Variants in CREB3L2 observed in about 807,000 individuals in gnomAD.
CREB3L2 encodes cyclic AMP-responsive element-binding protein 3-like protein 2.
A neutral mutation model predicts 57.2 loss-of-function variants in CREB3L2; 23 were observed. That is an observed-to-expected ratio of 0.40 (90% CI 0.29 to 0.57). The LOEUF (loss-of-function observed/expected upper bound fraction) is 0.57, where lower values mean the gene tolerates loss of function less well. Ranked by LOEUF, CREB3L2 falls within the 20% of genes least tolerant of loss-of-function variation. The pLI is 0.42. For synonymous variants in CREB3L2, 268 were observed against 265.1 expected (o/e 1.01, Z -0.11); for missense variants, 628 against 634.7 (o/e 0.99, Z 0.11).
chr7:137,943,600 G>A (rs1205642281), intron 1 of CREB3L2, among the ~76,000 whole-genome samples: 2 of 152,140 alleles, frequency 1.3e-5, no homozygotes, highest in Non-Finnish European at 2.9e-5. Context: ...GAGAAATGGG[G>A]GAGGGAAATG....
At chr7:137,922,417 TATATATATATATATATATAC>T (rs1563253293) in intron 2 of CREB3L2, among the ~76,000 whole-genome samples, 5 of 24,098 alleles carry the variant, frequency 2.1e-4, no homozygotes, top group African/African-American at 1.2e-3. Context: ...TATATATATG[TATATATATATATATATATAC>T]GTATATATAT....
At chr7:137,953,206 A>G in intron 1 of CREB3L2, 1 of 291,714 alleles carries the variant, frequency 3.4e-6, no homozygotes, top group South Asian at 3.2e-5. Flanking sequence ...TTCCTGGGAA[A>G]CAAGAGAGCT....
chr7:137,905,042 G>C (rs893081268), intron 6 of CREB3L2, among the ~76,000 whole-genome samples: 3 of 151,782 alleles, frequency 2.0e-5, no homozygotes, highest in Admixed American at 6.6e-5. Context: ...TCCGCACATG[G>C]ATAGAGTGAC....
At chr7:137,929,508 G>A (rs1396110223) in intron 1 of CREB3L2, among the ~76,000 whole-genome samples, 1 of 151,932 alleles carries the variant, frequency 6.6e-6, no homozygotes, top group Non-Finnish European at 1.5e-5. Flanking sequence ...ATGTCTGTAG[G>A]TGAAAAAGTC....
intron 1 of CREB3L2, among the ~76,000 whole-genome samples, chr7:137,989,694 G>A (rs918009147): frequency 3.3e-5 from 5 of 152,030 alleles, no homozygotes; most frequent in African/African-American, 1.2e-4. Context: ...CCCTTTACGT[G>A]TCGCTCCTGT....
chr7:137,995,961 C>T (rs1032672780), intron 1 of CREB3L2, among the ~76,000 whole-genome samples: 5 of 152,250 alleles, frequency 3.3e-5, no homozygotes, highest in African/African-American at 1.2e-4. Context: ...TAAAATAATC[C>T]GTCAAAGATT....
chr7:137,880,520 G>T lies in CREB3L2; in HGVS notation c.1519C>A (p.Leu507Ile). 1.9e-6 allele frequency: 3 copies of T among 1,613,976 alleles called. No homozygotes were observed. In the African/African-American group the frequency reaches 4.0e-5, roughly 22 times the overall value. Residue 507 changes from leucine (L) to isoleucine (I), a missense_variant, in exon 12 of 12, where the codon CTA (leucine) becomes ATA (isoleucine). This residue lies in a region of CREB3L2 where 272 missense variants were observed against 242.7 expected (regional missense o/e 1.12). Coordinates refer to ENST00000330387, the MANE Select transcript of CREB3L2 (RefSeq NM_194071.4). The surrounding 1 kb of genome is among the most constrained non-coding windows in gnomAD (Gnocchi z 4.0). Reference protein sequence around the residue: ...VSAKLEGNETLKVVELDRRVN... With the variant: ...VSAKLEGNETIKVVELDRRVN... Reference sequence around the variant, plus strand: ...CTTCTGTCGAGTTCTACAACTTTTAGTGTTTCATTCCCCTCCAGTTTGGCG... The same window carrying T: ...CTTCTGTCGAGTTCTACAACTTTTATTGTTTCATTCCCCTCCAGTTTGGCG...
rs1264166322 is a variant in CREB3L2, at chr7:137,946,916, A to C, written c.103-18550T>G. On this transcript the variant is annotated intron_variant, in intron 1 of 11. Coordinates refer to ENST00000330387, the MANE Select transcript of CREB3L2 (RefSeq NM_194071.4). ...TATATATAGTTATATATATAGTTATATATATAGTTATATATATAGTTATAT... is the reference window on the plus strand; with the variant it reads ...TATATATAGTTATATATATAGTTATCTATATAGTTATATATATAGTTATAT... Among the ~76,000 whole-genome samples, 90 of 62,422 alleles carry C rather than the reference A, an allele frequency of 1.4e-3. 14 individuals are homozygous for C. The highest frequency in any genetic ancestry group is 4.2e-3 in the African/African-American group (49 of 11,790). 41.0% of individuals were successfully genotyped at this position (62,422 alleles called of 152,430 possible). A position where few individuals can be genotyped will look rare whatever the true frequency, so the allele number is the denominator to read the frequency against.
At chr7:137,950,519 A>C (rs6979294) in intron 1 of CREB3L2, among the ~76,000 whole-genome samples, 103 of 152,178 alleles carry the variant, frequency 6.8e-4, no homozygotes, top group African/African-American at 2.3e-3. Flanking sequence ...CCTCTACCCC[A>C]TGCTTCTGAG....
chr7:137,925,553 T>A (rs1232943129), intron 2 of CREB3L2, among the ~76,000 whole-genome samples: 3 of 152,242 alleles, frequency 2.0e-5, no homozygotes, highest in Non-Finnish European at 4.4e-5. Context: ...GGTGGTTATC[T>A]GCTCTAACAG....
At chr7:137,960,975 G>A (rs11978173) in intron 1 of CREB3L2, among the ~76,000 whole-genome samples, 15,711 of 151,290 alleles carry the variant, frequency 0.1, 1,957 homozygotes, top group African/African-American at 0.3. Context: ...CACCACACCC[G>A]GCTAATTTTA....
In CREB3L2 at chr7:137,882,445, T is replaced by C; in HGVS notation, c.1454A>G (p.Glu485Gly). ...CTGCAGCTCCAAAAGCACTGACTTC[T>C]CCAGGCTGGTCTCATTCGAGATAAT... is the stretch of plus-strand genomic sequence containing the variant. ...HFIISNETSL[E>G]KSVLLELQQH... is the part of the protein sequence containing the mutation. The change falls in exon 11 of 12, where the codon GAG becomes GGG. Residue 485 changes from glutamate to glycine, a missense_variant. By Grantham distance (98) the Glu-to-Gly change is moderately conservative (BLOSUM62 -2). Transcript: ENST00000330387. The C allele has an allele frequency of 1.2e-6, 2 of 1,613,942 alleles. No individual in the cohort carries two copies. The highest frequency in any genetic ancestry group is 1.7e-6 in the Non-Finnish European group (2 of 1,179,898).
At chr7:137,971,310 T>C (rs1801502284) in intron 1 of CREB3L2, among the ~76,000 whole-genome samples, 2 of 151,706 alleles carry the variant, frequency 1.3e-5, no homozygotes, top group South Asian at 4.2e-4. Flanking sequence ...ATTAGCCGGG[T>C]GTGGTGGCGG....
Position 137,903,118 on chromosome 7 carries a change from A to C in CREB3L2, c.974+841T>G, listed in dbSNP as rs148114116. The stretch of plus-strand genomic sequence containing the variant: ...GTGAGCCATCACACCCAGCCTATTG[A>C]AGTTTTTTTCTGAATATTTTAGACC... On this transcript the variant is annotated intron_variant, in intron 7 of 11. Transcript: ENST00000330387. Among the ~76,000 whole-genome samples the C allele has an allele frequency of 4.7e-3, 712 of 152,206 alleles. 6 individuals carry two copies. The highest frequency in any genetic ancestry group is 0.017 in the African/African-American group (693 of 41,526).
At chr7:137,967,717 A>C (rs1801432277) in intron 1 of CREB3L2, among the ~76,000 whole-genome samples, 2 of 152,018 alleles carry the variant, frequency 1.3e-5, no homozygotes, top group Admixed American at 1.3e-4. Context: ...CTGGAAACTG[A>C]CTCACAAGTT....
At chr7:137,893,506 T>C (rs1165916364) in intron 8 of CREB3L2, among the ~76,000 whole-genome samples, 2 of 152,212 alleles carry the variant, frequency 1.3e-5, no homozygotes, top group African/African-American at 2.4e-5. Context: ...AGCCAGTTAT[T>C]GTCAGTCTAA....
intron 1 of CREB3L2, among the ~76,000 whole-genome samples, chr7:137,952,112 T>A (rs1325540400): frequency 6.6e-6 from 1 of 152,184 alleles, no homozygotes; most frequent in East Asian, 1.9e-4. Context: ...AAATTTCAAA[T>A]GCAAATTTAC....
intron 1 of CREB3L2, chr7:137,956,456 G>A: frequency 2.4e-6 from 1 of 414,128 alleles, no homozygotes; most frequent in South Asian, 1.9e-5. Flanking sequence ...CAAGTTTCCA[G>A]TAATAGAATT....
At chr7:137,994,287 C>T (rs1450793404) in intron 1 of CREB3L2, among the ~76,000 whole-genome samples, 1 of 152,230 alleles carries the variant, frequency 6.6e-6, no homozygotes, top group Non-Finnish European at 1.5e-5. Context: ...TAGCTGCAGA[C>T]AGGCACATGT....
Sources: gnomAD v4.1 joint callset for allele counts (sites outside exome capture counted in the v4.1 genomes callset) on GRCh38, gnomAD v4.1.1 for gene constraint, gnomAD v4.1.1 regional missense constraint, Gnocchi (gnomAD v3.1) non-coding constraint, MANE v1.5 for transcripts, NCBI Gene and HGNC (gene_info 2026-07-23, HGNC 2026-07-21) for gene names.